ADAM2: variants seen among roughly 807,000 people sequenced by gnomAD.
ADAM2 encodes the protein disintegrin and metalloproteinase domain-containing protein 2.
In ADAM2, 101 loss-of-function variants were observed where a neutral mutation model predicts 99.3. That is an observed-to-expected ratio of 1.02 (90% CI 0.87 to 1.20). ADAM2 has a LOEUF of 1.20. Ranked by LOEUF, ADAM2 falls within the 50% of genes most tolerant of loss-of-function variation. The pLI, the probability that ADAM2 is intolerant of heterozygous loss-of-function variation, is 0.00. For missense variants in ADAM2, 948 were observed against 878.7 expected (o/e 1.08, Z -1.00); for synonymous variants, 323 against 287.6 (o/e 1.12, Z -1.25).
chr8:39,829,122 A>G (rs1226495946), intron 3 of ADAM2, among the ~76,000 whole-genome samples: 1 of 151,984 alleles, frequency 6.6e-6, no homozygotes, highest in Non-Finnish European at 1.5e-5. Flanking sequence ...TCAAAAGCCA[A>G]TTTCTGTTTC....
intron 14 of ADAM2, among the ~76,000 whole-genome samples, chr8:39,765,899 G>C (rs1160648150): frequency 7.1e-6 from 1 of 141,386 alleles, no homozygotes; most frequent in Admixed American, 7.4e-5. Context: ...CCACCTATCT[G>C]TTTCTATGAA....
Position 39,769,458 on chromosome 8 carries a change from T to A in ADAM2, c.1146A>T (p.Lys382Asn). Residue 382 changes from lysine (K) to asparagine (N), a missense_variant, in exon 12 of 21, where the codon AAA becomes AAT. Coordinates refer to ENST00000265708, the MANE Select transcript of ADAM2 (RefSeq NM_001464.5). Reference protein sequence around the residue: ...HNQPRLDPFFKQQAVCGNAKL... With the variant: ...HNQPRLDPFFNQQAVCGNAKL... ...TTGCATTACCACACACTGCTTGCTGTTTGAAAAAAGGATCTAAGCGAGGCT... is the reference window on the plus strand; with the variant it reads ...TTGCATTACCACACACTGCTTGCTGATTGAAAAAAGGATCTAAGCGAGGCT... 6.2e-7 allele frequency: 1 copy of A among 1,614,016 alleles called. No homozygotes were observed. Among genetic ancestry groups the A allele is most frequent in the Non-Finnish European group, 8.5e-7 (1 of 1,179,904 alleles).
intron 2 of ADAM2, among the ~76,000 whole-genome samples, chr8:39,835,685 A>G (rs1472791015): frequency 6.6e-6 from 1 of 151,876 alleles, no homozygotes; most frequent in Non-Finnish European, 1.5e-5. Context: ...CCGTCTCAAA[A>G]AAAAAAAAAA....
At chr8:39,767,784 A>G (rs1276482929) in intron 12 of ADAM2, among the ~76,000 whole-genome samples, 1 of 152,020 alleles carries the variant, frequency 6.6e-6, no homozygotes, top group Non-Finnish European at 1.5e-5. Flanking sequence ...CTCATATCTT[A>G]TTATGCCTTG....
chr8:39,769,909 G>A (rs1215562615), intron 11 of ADAM2, among the ~76,000 whole-genome samples: 1 of 149,704 alleles, frequency 6.7e-6, no homozygotes, highest in African/African-American at 2.5e-5. Flanking sequence ...GGACACCCCT[G>A]TATTAATAAA....
chr8:39,804,791 T>C (rs150903911), intron 7 of ADAM2, among the ~76,000 whole-genome samples: 1 of 152,264 alleles, frequency 6.6e-6, no homozygotes, highest in East Asian at 1.9e-4. Context: ...TATTTTTGGC[T>C]TCTGAATGCA....
intron 7 of ADAM2, among the ~76,000 whole-genome samples, chr8:39,803,522 T>C (rs1586128355): frequency 6.6e-6 from 1 of 152,346 alleles, no homozygotes; most frequent in East Asian, 1.9e-4. Flanking sequence ...TTTTGAGCTA[T>C]GCTTCTTCCT....
chr8:39,832,443 C>T (rs145178765), intron 3 of ADAM2, among the ~76,000 whole-genome samples: 1 of 152,196 alleles, frequency 6.6e-6, no homozygotes, highest in Non-Finnish European at 1.5e-5. Flanking sequence ...CCCAACAACA[C>T]TTTATGCTGT....
intron 4 of ADAM2, among the ~76,000 whole-genome samples, chr8:39,822,324 T>C (rs10099140): frequency 0.03 from 4,518 of 152,058 alleles, 156 homozygotes; most frequent in African/African-American, 0.081. Context: ...TCTAATTCTG[T>C]GGAGTATCAG....
chr8:39,786,823 G>T, intron 10 of ADAM2, 151 bp downstream of exon 10: 1 of 537,184 alleles, frequency 1.9e-6, no homozygotes, highest in South Asian at 4.0e-5. Flanking sequence ...AATTGAATGA[G>T]TACTTCTTAT....
intron 15 of ADAM2, among the ~76,000 whole-genome samples, chr8:39,756,724 C>G (rs574647702): frequency 9.8e-5 from 15 of 152,324 alleles, no homozygotes; most frequent in African/African-American, 3.6e-4. Context: ...GCAACCCAGC[C>G]CCTGAAGTGG....
intron 12 of ADAM2, among the ~76,000 whole-genome samples, chr8:39,768,498 T>C (rs1171916597): frequency 1.3e-5 from 2 of 152,146 alleles, no homozygotes; most frequent in African/African-American, 4.8e-5. Flanking sequence ...AAGATTTCTG[T>C]GGTTTGAGAA....
At position 39,762,058 on chromosome 8, in the gene ADAM2, T is replaced by C. The variant is rs201029340; in HGVS notation, c.1508-777A>G. 5.3e-5 allele frequency among the ~76,000 whole-genome samples: 8 copies of C among 152,352 alleles called. No homozygotes were observed. The East Asian group carries it at 1.5e-3, about 29-fold the overall frequency. On this transcript the variant is annotated intron_variant, in intron 14 of 20. Coordinates refer to ENST00000265708, the MANE Select transcript of ADAM2 (RefSeq NM_001464.5). ...GAGATCGCGCCATTGCACTCCAGCC[T>C]GGGCGACAGAGCGAGACTGCGTCTC...
chr8:39,823,875 G>C (rs1805294735), intron 4 of ADAM2, among the ~76,000 whole-genome samples: 2 of 152,054 alleles, frequency 1.3e-5, no homozygotes, highest in Non-Finnish European at 2.9e-5. Context: ...TGAAATCCTA[G>C]CCTCTCTAAA....
chr8:39,800,300 A>T (rs1014235323), intron 7 of ADAM2, among the ~76,000 whole-genome samples: 1 of 152,174 alleles, frequency 6.6e-6, no homozygotes, highest in Admixed American at 6.5e-5. Context: ...ATTTGGCTGG[A>T]TATTAAATTC....
At chr8:39,761,120 A>AT in intron 15 of ADAM2, 56 bp downstream of exon 15, 1 of 1,112,144 alleles carries the variant, frequency 9.0e-7, no homozygotes, top group Non-Finnish European at 1.3e-6. Flanking sequence ...GTTTGATGGT[A>AT]TTTTCAAATA....
At chr8:39,835,553 G>C (rs1035491359) in intron 2 of ADAM2, among the ~76,000 whole-genome samples, 27 of 151,964 alleles carry the variant, frequency 1.8e-4, no homozygotes, top group African/African-American at 6.5e-4. Flanking sequence ...CTTGGTGGCA[G>C]GTGCCTGTAG....
chr8:39,830,351 T>C (rs1204245214), intron 3 of ADAM2, among the ~76,000 whole-genome samples: 1 of 152,150 alleles, frequency 6.6e-6, no homozygotes, highest in Non-Finnish European at 1.5e-5. Context: ...TAGATTGTTT[T>C]TGAAAATGAA....
intron 6 of ADAM2, among the ~76,000 whole-genome samples, chr8:39,813,798 T>C (rs1475605791): frequency 6.6e-6 from 1 of 151,818 alleles, no homozygotes; most frequent in Non-Finnish European, 1.5e-5. Context: ...GGGATAACAT[T>C]AGGAGATACA....
Sources: allele counts gnomAD v4.1 joint callset (sites outside exome capture counted in the v4.1 genomes callset), GRCh38; gene constraint gnomAD v4.1.1; transcripts MANE v1.5; gene names NCBI Gene and HGNC (gene_info 2026-07-23, HGNC 2026-07-21).